The following HPSE2 variants were observed in gnomAD, a reference collection of about 807,000 sequenced individuals.
HPSE2 encodes the protein inactive heparanase-2.
Under a neutral mutation model 60.5 loss-of-function variants are expected in HPSE2, and 38 were observed. The ratio of observed to expected loss-of-function variants is 0.63; its 90% confidence interval spans 0.48 to 0.82. The LOEUF (loss-of-function observed/expected upper bound fraction) is 0.82. Ranked by LOEUF, HPSE2 falls within the 40% of genes least tolerant of loss-of-function variation. The probability of loss-of-function intolerance (pLI) is 0.00; values close to 1 mark genes in which losing one functional copy is unlikely to be tolerated. For synonymous variants in HPSE2, 295 were observed against 293.2 expected (o/e 1.01, Z -0.06); for missense variants, 713 against 740.4 (o/e 0.96, Z 0.43).
intron 3 of HPSE2, chr10:98,924,409 T>A (rs1299860429): frequency 6.6e-6 from 1 of 152,242 alleles, no homozygotes; most frequent in Non-Finnish European, 1.5e-5. Context: ...AGAGATGCTG[T>A]CTGGGAGCCA....
intron 3 of HPSE2, among the ~76,000 whole-genome samples, chr10:98,917,051 T>A (rs1245595153): frequency 6.6e-6 from 1 of 152,160 alleles, no homozygotes; most frequent in East Asian, 1.9e-4. Flanking sequence ...ACTTGGCAAC[T>A]ATTACAAGGG....
At chr10:98,911,585 G>C (rs1953980054) in intron 3 of HPSE2, among the ~76,000 whole-genome samples, 1 of 152,120 alleles carries the variant, frequency 6.6e-6, no homozygotes, top group South Asian at 2.1e-4. Flanking sequence ...AACATAAGGA[G>C]CTGAGGTAGA....
chr10:98,493,293 T>G (rs1434508616), intron 9 of HPSE2, among the ~76,000 whole-genome samples: 1 of 152,168 alleles, frequency 6.6e-6, no homozygotes, highest in Non-Finnish European at 1.5e-5. Flanking sequence ...CTGGGTAAAG[T>G]GTTTGGTGTG....
At chr10:99,082,109 A>G (rs1589626389) in intron 3 of HPSE2, among the ~76,000 whole-genome samples, 1 of 152,314 alleles carries the variant, frequency 6.6e-6, no homozygotes, top group Non-Finnish European at 1.5e-5. Flanking sequence ...TTTACAGTCT[A>G]TAAAAGCTGC....
intron 2 of HPSE2, among the ~76,000 whole-genome samples, chr10:99,223,669 T>C (rs370051898): frequency 3.9e-5 from 6 of 152,180 alleles, no homozygotes; most frequent in East Asian, 3.8e-4. Context: ...AGTATGATGG[T>C]GGTTATATCT....
chr10:99,165,589 C>A (rs1847045950), intron 2 of HPSE2, among the ~76,000 whole-genome samples: 1 of 151,784 alleles, frequency 6.6e-6, no homozygotes. Flanking sequence ...CTCTGTCACC[C>A]AGGCCGGAGT....
chr10:98,921,071 T>C (rs570878326), intron 3 of HPSE2, among the ~76,000 whole-genome samples: 11 of 152,182 alleles, frequency 7.2e-5, no homozygotes, highest in Admixed American at 1.3e-4. Context: ...TTCTACTAGG[T>C]GCTCAAACTA....
intron 3 of HPSE2, among the ~76,000 whole-genome samples, chr10:99,046,404 C>T (rs10883253): frequency 0.49 from 74,967 of 151,912 alleles, 20,903 homozygotes; most frequent in Non-Finnish European, 0.64. Context: ...GAAGCATTCC[C>T]CTTGATAACT....
At chr10:98,844,044 G>T (rs1275812786) in intron 3 of HPSE2, among the ~76,000 whole-genome samples, 1 of 152,186 alleles carries the variant, frequency 6.6e-6, no homozygotes, top group Non-Finnish European at 1.5e-5. Flanking sequence ...GTGGCAGGGG[G>T]CTTATTTATA....
the HPSE2 span, among the ~76,000 whole-genome samples, chr10:99,261,693 G>A: frequency 1.3e-5 from 2 of 152,068 alleles, no homozygotes; most frequent in African/African-American, 2.4e-5. Context: ...CCCCACAACA[G>A]GACTTAATTA....
chr10:98,759,905 T>C (rs1301495527), intron 3 of HPSE2, among the ~76,000 whole-genome samples: 2 of 152,270 alleles, frequency 1.3e-5, no homozygotes, highest in South Asian at 2.1e-4. Context: ...TTAACAATAT[T>C]ATTTGAATTC....
chr10:98,482,445 A>G lies in HPSE2; in HGVS notation c.1613+191T>C, dbSNP rs79780158. On this transcript the variant is annotated intron_variant, in intron 11 of 11. Coordinates refer to ENST00000370552, the MANE Select transcript of HPSE2 (RefSeq NM_021828.5). ...CACCATTTGACTTTACAACTGGGGAATCTAAGATAGGGAGGGGCTTGAACA... is the reference window on the plus strand; with the variant it reads ...CACCATTTGACTTTACAACTGGGGAGTCTAAGATAGGGAGGGGCTTGAACA... 1.4e-3 allele frequency among the ~76,000 whole-genome samples: 207 copies of G among 152,296 alleles called. 3 individuals are homozygous for G. In the East Asian group the frequency reaches 0.033, roughly 24 times the overall value.
At position 99,184,786 on chromosome 10, in the gene HPSE2, TTATATATATATATA is replaced by T. The variant is rs1191226144; in HGVS notation, c.449-40401_449-40388del. ...GATGTGGCAACAGAACTATCCAAAA[TTATATATATATATA>T]TATATATATATATATATATAGAGAG... On this transcript the variant is annotated intron_variant, in intron 2 of 11. Coordinates refer to ENST00000370552, the MANE Select transcript of HPSE2 (RefSeq NM_021828.5). Among the ~76,000 whole-genome samples the T allele has an allele frequency of 2.4e-4, 6 of 25,284 alleles. 1 individual carries two copies. Among genetic ancestry groups the T allele is most frequent in the African/African-American group, 8.5e-4 (6 of 7,094 alleles). The allele number at this position is 25,284 out of a possible 152,430, so 16.6% of individuals were successfully genotyped here. A position where few individuals can be genotyped will look rare whatever the true frequency, so the allele number is the denominator to read the frequency against.
intron 6 of HPSE2, among the ~76,000 whole-genome samples, chr10:98,692,109 GT>G (rs1213542909): frequency 1.3e-5 from 2 of 152,186 alleles, no homozygotes; most frequent in African/African-American, 4.8e-5. Flanking sequence ...TGGGGGACCT[GT>G]TTTTGGATAG....
the HPSE2 span, among the ~76,000 whole-genome samples, chr10:99,243,239 G>C: frequency 6.6e-6 from 1 of 152,118 alleles, no homozygotes; most frequent in South Asian, 2.1e-4. Flanking sequence ...TATAGTCCCA[G>C]CTACTCGGGA....
chr10:98,624,245 T>C (rs1348635068), intron 7 of HPSE2, among the ~76,000 whole-genome samples: 1 of 152,030 alleles, frequency 6.6e-6, no homozygotes, highest in Non-Finnish European at 1.5e-5. Flanking sequence ...AGTAACACGG[T>C]AGAGAGCAAT....
chr10:98,767,483 CATGATATATACATGTAT>C (rs1181202578), intron 3 of HPSE2, among the ~76,000 whole-genome samples: 3 of 149,046 alleles, frequency 2.0e-5, no homozygotes, highest in Non-Finnish European at 4.4e-5. Flanking sequence ...TTATATAATA[CATGATATATACATGTAT>C]ATGTTATGCA....
chr10:98,799,146 T>A (rs1160591197), intron 3 of HPSE2, among the ~76,000 whole-genome samples: 1 of 152,014 alleles, frequency 6.6e-6, no homozygotes, highest in Non-Finnish European at 1.5e-5. Context: ...CATACTTATA[T>A]CAGACAAAAC....
At chr10:98,540,756 A>T (rs1488674657) in intron 9 of HPSE2, among the ~76,000 whole-genome samples, 1 of 152,204 alleles carries the variant, frequency 6.6e-6, no homozygotes, top group Non-Finnish European at 1.5e-5. Flanking sequence ...AAAGCAACTA[A>T]TCAATAGCAC....
Sources: allele counts gnomAD v4.1 joint callset (sites outside exome capture counted in the v4.1 genomes callset), GRCh38; gene constraint gnomAD v4.1.1; transcripts MANE v1.5; gene names NCBI Gene and HGNC (gene_info 2026-07-23, HGNC 2026-07-21).